ATXN7: variants seen among roughly 807,000 people sequenced by gnomAD.
The protein encoded by ATXN7 is ataxin 7.
A neutral mutation model predicts 70.5 loss-of-function variants in ATXN7; 12 were observed. The observed-to-expected ratio is 0.17, with a 90% CI of 0.11 to 0.28. The LOEUF (loss-of-function observed/expected upper bound fraction) is 0.28. Ranked by LOEUF, ATXN7 falls within the 10% of genes least tolerant of loss-of-function variation. The probability of loss-of-function intolerance (pLI) is 1.00; values close to 1 mark genes in which losing one functional copy is unlikely to be tolerated. For missense variants in ATXN7, 1,256 were observed against 1,131.7 expected, an observed-to-expected ratio of 1.11 and a Z score of -1.58; for synonymous variants, 498 against 448.7, an observed-to-expected ratio of 1.11 and a Z score of -1.39.
At chr3:63,958,735 T>G (rs1400204292) in intron 5 of ATXN7, among the ~76,000 whole-genome samples, 1 of 152,186 alleles carries the variant, frequency 6.6e-6, no homozygotes, top group African/African-American at 2.4e-5. Context: ...ACCTGGTGAT[T>G]TACAGAGAAT....
At chr3:63,955,305 T>C (rs2075022327) in intron 5 of ATXN7, among the ~76,000 whole-genome samples, 1 of 152,150 alleles carries the variant, frequency 6.6e-6, no homozygotes, top group South Asian at 2.1e-4. Context: ...GGCCAAGTGC[T>C]CTGAGAGAGG....
chr3:63,912,448 G>T (rs888883547), intron 2 of ATXN7, 140 bp from the exon 3 acceptor site: 8 of 381,624 alleles, frequency 2.1e-5, no homozygotes, highest in Non-Finnish European at 2.5e-5. Context: ...AGGCGGGCTC[G>T]GGGGGCTGGG....
intron 12 of ATXN7, chr3:63,997,671 G>T (rs966495866): frequency 1.9e-6 from 3 of 1,552,086 alleles, no homozygotes; most frequent in Non-Finnish European, 2.6e-6. Flanking sequence ...CATCACCCCA[G>T]AGCCCTGACT....
In ATXN7 at chr3:63,944,661, C is replaced by T. The variant is rs191539336; in HGVS notation, c.395-7718C>T. On this transcript the variant is annotated intron_variant, in intron 4 of 12. Transcript: ENST00000674280. ...CTCAGAAAGCAAAACCATGAATAAG[C>T]GGGGATTACTGTAGACCAGACTTCT... Among the ~76,000 whole-genome samples, 7 of 152,256 alleles carry T rather than the reference C, an allele frequency of 4.6e-5. No homozygotes were observed. In the East Asian group the frequency reaches 1.2e-3, roughly 25 times the overall value.
At chr3:63,915,946 C>G (rs557430523) in intron 4 of ATXN7, among the ~76,000 whole-genome samples, 4 of 152,154 alleles carry the variant, frequency 2.6e-5, no homozygotes, top group African/African-American at 9.6e-5. Context: ...TCAGCCTCCA[C>G]GAAGTGCTGG....
chr3:63,905,037 GTTCT>G (rs1291583929), intron 2 of ATXN7: 6 of 152,072 alleles, frequency 3.9e-5, no homozygotes, highest in African/African-American at 1.4e-4. Context: ...ACTGGGCTGC[GTTCT>G]TTCTTTTCTA....
rs1230543907 is a variant in ATXN7, at chr3:63,892,495, C to CCACCCA, written c.-110-5901_-110-5900insCCACAC. Among the ~76,000 whole-genome samples, 263 of 126,892 alleles carry CCACCCA rather than the reference C, an allele frequency of 2.1e-3. 1 individual carries two copies. The highest frequency in any genetic ancestry group is 8.1e-3 in the African/African-American group (254 of 31,178). The allele number at this position is 126,892 out of a possible 152,430, so 83.2% of individuals were successfully genotyped here. On this transcript the variant is annotated intron_variant, in intron 1 of 12. Transcript: ENST00000674280. ...CACACACACACACACACACACACAC[C>CCACCCA]CACACACACACACACACACCCCAAC...
chr3:63,924,772 A>T (rs1399868990), intron 4 of ATXN7, among the ~76,000 whole-genome samples: 3 of 152,096 alleles, frequency 2.0e-5, no homozygotes, highest in Admixed American at 1.3e-4. Context: ...AGAAGTGGAG[A>T]GGGCAAGTAT....
chr3:63,927,598 T>C (rs781000466), intron 4 of ATXN7, among the ~76,000 whole-genome samples: 4 of 152,124 alleles, frequency 2.6e-5, no homozygotes, highest in Non-Finnish European at 5.9e-5. Flanking sequence ...AAGAGAGAAA[T>C]GGTTTTGGAA....
At position 63,996,164 on chromosome 3, in the gene ATXN7, C is replaced by A. The variant is rs752270157; in HGVS notation, c.2342C>A (p.Thr781Asn). Reference protein sequence around the residue: ...RHDQSGRGPPTGSPAESIKRM... With the variant: ...RHDQSGRGPPNGSPAESIKRM... ...GACCAGTCAGGGAGGGGCCCCCCCA[C>A]CGGGAGCCCTGCTGAATCCATCAAG... Residue 781 changes from threonine (T) to asparagine (N), a missense_variant, in exon 12 of 13, where the codon ACC (threonine) becomes AAC (asparagine). Coordinates refer to ENST00000674280, the MANE Select transcript of ATXN7 (RefSeq NM_001377405.1). 6.2e-7 allele frequency: 1 copy of A among 1,614,182 alleles called. No homozygotes were observed. Among genetic ancestry groups the A allele is most frequent in the South Asian group, 1.1e-5 (1 of 91,076 alleles).
intron 8 of ATXN7, among the ~76,000 whole-genome samples, chr3:63,983,367 T>A (rs1257315148): frequency 6.6e-6 from 1 of 152,236 alleles, no homozygotes; most frequent in Non-Finnish European, 1.5e-5. Context: ...TTAAAGCAAG[T>A]GCAGAAATTT....
At chr3:63,967,603 G>A (rs2075247734) in intron 5 of ATXN7, 1 of 297,148 alleles carries the variant, frequency 3.4e-6, no homozygotes, top group Non-Finnish European at 5.9e-6. Flanking sequence ...CAAAATATAA[G>A]TAATTTGCAT....
At chr3:63,995,384 CAG>C in intron 11 of ATXN7, 119 bp from the exon 12 acceptor site, 1 of 1,094,446 alleles carries the variant, frequency 9.1e-7, no homozygotes, top group South Asian at 1.5e-5. Context: ...CTTTGTAGTT[CAG>C]AGTGATTGCT....
chr3:63,883,006 C>G (rs1575843603), intron 1 of ATXN7, among the ~76,000 whole-genome samples: 1 of 152,100 alleles, frequency 6.6e-6, no homozygotes, highest in African/African-American at 2.4e-5. Flanking sequence ...AGGTTGAGGT[C>G]TTTTCTTTCT....
Position 63,996,563 on chromosome 3 carries a change from G to A in ATXN7, c.2661+80G>A, listed in dbSNP as rs1268025157. ...CTTTTGTCAGCTCAGAAATGTGTTT[G>A]GTTGGGTTGGTTGGTTGGTTTGTAA... On this transcript the variant is annotated intron_variant, in intron 12 of 12. Transcript: ENST00000674280. 3.6e-6 allele frequency: 5 copies of A among 1,405,464 alleles called. No homozygotes were observed. In the East Asian group the frequency reaches 9.1e-5, roughly 26 times the overall value. 87.1% of individuals were successfully genotyped at this position (1,405,464 alleles called of 1,614,324 possible).
intron 3 of ATXN7, 78 bp from the exon 4 acceptor site, chr3:63,913,079 C>G (rs532856549): frequency 5.9e-6 from 9 of 1,513,146 alleles, no homozygotes; most frequent in South Asian, 3.4e-5. Flanking sequence ...ACACCTACCC[C>G]GTGCGTGCGT....
intron 12 of ATXN7, chr3:63,998,395 C>T (rs935348729): frequency 1.0e-6 from 1 of 985,150 alleles, no homozygotes; most frequent in Non-Finnish European, 1.2e-6. Context: ...TACACACACA[C>T]TTTTTTTTCT....
chr3:63,905,962 A>G (rs531685237), intron 2 of ATXN7: 1 of 152,362 alleles, frequency 6.6e-6, no homozygotes, highest in African/African-American at 2.4e-5. Flanking sequence ...GTTTCTAGGA[A>G]GAAAGGTTTA....
At chr3:63,868,842 T>C (rs1170510223) in intron 1 of ATXN7, among the ~76,000 whole-genome samples, 3 of 152,206 alleles carry the variant, frequency 2.0e-5, no homozygotes, top group Non-Finnish European at 4.4e-5. Context: ...TTTTGAGACC[T>C]TCACAGGTAA....
Sources: allele counts gnomAD v4.1 joint callset (sites outside exome capture counted in the v4.1 genomes callset), GRCh38; gene constraint gnomAD v4.1.1; transcripts MANE v1.5; gene names NCBI Gene and HGNC (gene_info 2026-07-23, HGNC 2026-07-21).